Variants in CREB3L1 observed in about 807,000 individuals in gnomAD.
The protein encoded by CREB3L1 is cyclic AMP-responsive element-binding protein 3-like protein 1.
Under a neutral mutation model 54.5 loss-of-function variants are expected in CREB3L1, and 33 were observed. The ratio of observed to expected loss-of-function variants is 0.61; its 90% confidence interval spans 0.46 to 0.81. CREB3L1 has a LOEUF of 0.81. CREB3L1 is among the 30% of genes least tolerant of loss of function. CREB3L1 has a pLI of 0.00. For missense variants in CREB3L1, 656 were observed against 673.3 expected (o/e 0.97, Z 0.29); for synonymous variants, 284 against 286.4 (o/e 0.99, Z 0.08).
Position 46,278,047 on chromosome 11 carries a change from C to A in CREB3L1, c.-65C>A. The A allele has an allele frequency of 1.0e-6, 1 of 1,001,476 alleles. No homozygotes were observed. The allele number at this position is 1,001,476 out of a possible 1,614,324, so 62.0% of individuals were successfully genotyped here. ...CCAGCGCTCAGGCAGGAGCTCTGGA[C>A]TGGGCGCGCCGCCGCCCTGGAGTGA... On this transcript the variant is annotated 5_prime_UTR_variant, in exon 1 of 12. It adds an upstream start codon to the 5' untranslated region. Coordinates refer to ENST00000621158, the MANE Select transcript of CREB3L1 (RefSeq NM_052854.4). This position sits in a 1 kb window ranked among gnomAD's most constrained non-coding sequence, Gnocchi z 4.2.
chr11:46,289,416 G>A (rs763628462), intron 1 of CREB3L1, among the ~76,000 whole-genome samples: 2 of 152,138 alleles, frequency 1.3e-5, no homozygotes, highest in Non-Finnish European at 1.5e-5. Flanking sequence ...TGATCTACCC[G>A]AAAGAAGGGT....
intron 1 of CREB3L1, among the ~76,000 whole-genome samples, chr11:46,298,636 T>C (rs938302856): frequency 6.6e-6 from 1 of 151,878 alleles, no homozygotes; most frequent in African/African-American, 2.4e-5. Context: ...GAGATGGAGG[T>C]TGCAGTGAGC....
intron 4 of CREB3L1, 32 bp downstream of exon 4, chr11:46,310,099 C>G: frequency 1.3e-6 from 2 of 1,498,140 alleles, no homozygotes; most frequent in Non-Finnish European, 1.8e-6. Flanking sequence ...GCTCTTTTCC[C>G]CTCCAGTCAT....
At position 46,278,052 on chromosome 11, in the gene CREB3L1, C is replaced by A. The variant is rs3740979; in HGVS notation, c.-60C>A. 2.4e-4 allele frequency: 233 copies of A among 965,588 alleles called. 2 individuals carry two copies. In the East Asian group the frequency reaches 8.7e-3, roughly 36 times the overall value. The allele number at this position is 965,588 out of a possible 1,614,324, so 59.8% of individuals were successfully genotyped here. A position where few individuals can be genotyped will look rare whatever the true frequency, so the allele number is the denominator to read the frequency against. Reference sequence around the variant, plus strand: ...GCTCAGGCAGGAGCTCTGGACTGGGCGCGCCGCCGCCCTGGAGTGAGGGAA... The same window carrying A: ...GCTCAGGCAGGAGCTCTGGACTGGGAGCGCCGCCGCCCTGGAGTGAGGGAA... On this transcript the variant is annotated 5_prime_UTR_variant, in exon 1 of 12. Transcript: ENST00000621158. This position sits in a 1 kb window ranked among gnomAD's most constrained non-coding sequence, Gnocchi z 4.2.
intron 10 of CREB3L1, 52 bp downstream of exon 10, chr11:46,317,539 A>G: frequency 6.3e-7 from 1 of 1,595,478 alleles, no homozygotes; most frequent in Non-Finnish European, 8.5e-7. Flanking sequence ...GCCCTGCCCC[A>G]GCCCCAGTGT....
At chr11:46,291,649 G>A (rs1460190396) in intron 1 of CREB3L1, among the ~76,000 whole-genome samples, 1 of 152,166 alleles carries the variant, frequency 6.6e-6, no homozygotes, top group Non-Finnish European at 1.5e-5. Flanking sequence ...GCAAGGGCAA[G>A]CATTAGTCAC....
chr11:46,305,739 TATA>T (rs1329283043), intron 2 of CREB3L1, among the ~76,000 whole-genome samples: 33 of 122,338 alleles, frequency 2.7e-4, no homozygotes, highest in African/African-American at 5.0e-4. Context: ...TGTGTATATA[TATA>T]TATATTTTTT....
chr11:46,309,919 A>T, intron 3 of CREB3L1, 70 bp from the exon 4 acceptor site: 1 of 1,250,318 alleles, frequency 8.0e-7, no homozygotes, highest in Middle Eastern at 1.9e-4. Flanking sequence ...TTTAGGGAGG[A>T]GGTGGGTAGA....
intron 9 of CREB3L1, 151 bp from the exon 10 acceptor site, chr11:46,317,210 A>G: frequency 2.1e-6 from 2 of 947,280 alleles, no homozygotes; most frequent in Non-Finnish European, 3.2e-6. Flanking sequence ...GAGACCCCAC[A>G]TGTAGGAGGG....
At chr11:46,281,605 G>A (rs1316320741) in intron 1 of CREB3L1, among the ~76,000 whole-genome samples, 1 of 152,176 alleles carries the variant, frequency 6.6e-6, no homozygotes, top group African/African-American at 2.4e-5. Context: ...GGGGACCCAG[G>A]GACCAGCCCA....
intron 1 of CREB3L1, among the ~76,000 whole-genome samples, chr11:46,282,925 T>C (rs150489137): frequency 5.3e-5 from 8 of 152,338 alleles, no homozygotes; most frequent in African/African-American, 1.9e-4. Context: ...CGGTGACTCA[T>C]GCTTGTAATC....
chr11:46,289,152 C>A (rs573617045), intron 1 of CREB3L1, among the ~76,000 whole-genome samples: 2 of 152,086 alleles, frequency 1.3e-5, no homozygotes, highest in East Asian at 3.9e-4. Flanking sequence ...CTGAGGCAGG[C>A]GGATCACTTG....
intron 2 of CREB3L1, among the ~76,000 whole-genome samples, chr11:46,306,435 T>C (rs1590347290): frequency 6.6e-6 from 1 of 150,826 alleles, no homozygotes; most frequent in Non-Finnish European, 1.5e-5. Context: ...GCCAGGAAGG[T>C]CAAGACTGCA....
intron 1 of CREB3L1, among the ~76,000 whole-genome samples, chr11:46,285,979 C>T (rs1939050648): frequency 6.6e-6 from 1 of 152,210 alleles, no homozygotes; most frequent in Non-Finnish European, 1.5e-5. Context: ...TTCCCCTCCA[C>T]CTGGAATACC....
intron 9 of CREB3L1, among the ~76,000 whole-genome samples, 174 bp downstream of exon 9, chr11:46,316,559 AGCCCATGGT>A (rs1939570585): frequency 6.6e-6 from 1 of 152,134 alleles, no homozygotes. Context: ...TCCTTCTCCA[AGCCCATGGT>A]GCCTTCTGCC....
chr11:46,320,161 G>C, intron 10 of CREB3L1, 103 bp from the exon 11 acceptor site: 3 of 1,297,818 alleles, frequency 2.3e-6, no homozygotes, highest in Non-Finnish European at 3.1e-6. Context: ...GTCAGAGCTG[G>C]GACTCAGATC....
chr11:46,294,629 G>A (rs557731128), intron 1 of CREB3L1, among the ~76,000 whole-genome samples: 2 of 151,992 alleles, frequency 1.3e-5, no homozygotes, highest in South Asian at 2.1e-4. Flanking sequence ...CCTGGGCCTC[G>A]TAGGAACCCC....
Position 46,320,856 on chromosome 11 carries a change from C to T in CREB3L1, c.*110C>T. On this transcript the variant is annotated 3_prime_UTR_variant, in exon 12 of 12. Transcript: ENST00000621158. ...CCCTGCCTCCTGGAGCTTCCCATTC[C>T]AGGAGAAAAGGCTCCACTTCCCAGC... is the stretch of plus-strand genomic sequence containing the variant. 8.3e-7 allele frequency: 1 copy of T among 1,207,010 alleles called. No individual in the cohort carries two copies. The highest frequency in any genetic ancestry group is 1.2e-6 in the Non-Finnish European group (1 of 832,306). 74.8% of individuals were successfully genotyped at this position (1,207,010 alleles called of 1,614,324 possible). A position where few individuals can be genotyped will look rare whatever the true frequency, so the allele number is the denominator to read the frequency against.
At chr11:46,312,736 C>A in intron 7 of CREB3L1, 66 bp downstream of exon 7, 1 of 1,565,482 alleles carries the variant, frequency 6.4e-7, no homozygotes, top group African/African-American at 1.4e-5. Context: ...TAGGCCCTCC[C>A]TCAGGGGGCA....
Sources: allele counts gnomAD v4.1 joint callset (sites outside exome capture counted in the v4.1 genomes callset), GRCh38; gene constraint gnomAD v4.1.1; non-coding constraint Gnocchi (gnomAD v3.1); transcripts MANE v1.5; gene names NCBI Gene and HGNC (gene_info 2026-07-23, HGNC 2026-07-21).